LRBA: variants seen among roughly 807,000 people sequenced by gnomAD.
LRBA encodes lipopolysaccharide-responsive and beige-like anchor protein.
LRBA carries 176 observed loss-of-function variants against 330.0 expected under a neutral mutation model. That is an observed-to-expected ratio of 0.53 (90% confidence interval 0.47 to 0.60). The LOEUF is 0.60. Among genes scored for constraint, LRBA ranks in the 20% least tolerant of loss-of-function variants. LRBA has a pLI of 0.00. For synonymous variants in LRBA, 1,230 were observed against 1,193.0 expected (o/e 1.03, Z -0.64); for missense variants, 3,259 against 3,444.8 (o/e 0.95, Z 1.35).
chr4:150,777,854 G>A (rs1473219374), intron 34 of LRBA, among the ~76,000 whole-genome samples: 2 of 151,504 alleles, frequency 1.3e-5, no homozygotes, highest in Non-Finnish European at 2.9e-5. Context: ...CATGCCTGTA[G>A]TCCCAGCTAC....
At chr4:150,361,877 T>G (rs376219374) in intron 47 of LRBA, among the ~76,000 whole-genome samples, 10 of 151,676 alleles carry the variant, frequency 6.6e-5, no homozygotes, top group African/African-American at 2.4e-4. Flanking sequence ...TTCATGCCCA[T>G]TCTCCTGCCT....
At chr4:150,510,025 A>T (rs1315376331) in intron 40 of LRBA, among the ~76,000 whole-genome samples, 1 of 152,172 alleles carries the variant, frequency 6.6e-6, no homozygotes, top group African/African-American at 2.4e-5. Flanking sequence ...AATCCCAGGG[A>T]CTTGGGAGGC....
At chr4:150,675,713 G>A (rs772903122) in intron 37 of LRBA, among the ~76,000 whole-genome samples, 7 of 151,606 alleles carry the variant, frequency 4.6e-5, no homozygotes, top group Non-Finnish European at 7.4e-5. Context: ...GCGAGGCTCC[G>A]TCTCAAAAAA....
At chr4:150,445,344 C>CCT (rs1317931739) in intron 44 of LRBA, among the ~76,000 whole-genome samples, 1,664 of 58,266 alleles carry the variant, frequency 0.029, 23 homozygotes, top group South Asian at 0.042. Context: ...TTTCGGAAAA[C>CCT]CTCTCTCTCT....
chr4:150,542,826 T>C (rs1765453616), intron 40 of LRBA, among the ~76,000 whole-genome samples: 1 of 152,158 alleles, frequency 6.6e-6, no homozygotes, highest in African/African-American at 2.4e-5. Context: ...TTCCATATAA[T>C]TATGAATCTG....
In LRBA at chr4:150,685,901, G is replaced by GA. The variant is rs144832124; in HGVS notation, c.5755-2185dup. Among the ~76,000 whole-genome samples the GA allele has an allele frequency of 6.3e-3, 955 of 152,244 alleles. 7 individuals carry two copies. Among genetic ancestry groups the GA allele is most frequent in the Non-Finnish European group, 8.5e-3 (578 of 68,026 alleles). On this transcript the variant is annotated intron_variant, in intron 36 of 56. Transcript: ENST00000651943. ...TCAATTTCAGGGAGGGACAAAGCAA[G>GA]AGAGTTTGACCCAAGTACAAAATAC... is the stretch of plus-strand genomic sequence containing the variant.
At chr4:150,627,764 G>A (rs1470198800) in intron 37 of LRBA, among the ~76,000 whole-genome samples, 3 of 151,942 alleles carry the variant, frequency 2.0e-5, no homozygotes, top group African/African-American at 7.2e-5. Flanking sequence ...CTTAATAGAT[G>A]TAAAAATATA....
intron 44 of LRBA, among the ~76,000 whole-genome samples, chr4:150,443,621 C>T (rs1398988889): frequency 2.6e-5 from 4 of 151,922 alleles, no homozygotes; most frequent in Non-Finnish European, 4.4e-5. Flanking sequence ...ACCGCATGTT[C>T]TCACTCATAG....
intron 34 of LRBA, among the ~76,000 whole-genome samples, chr4:150,785,145 G>C (rs1204912612): frequency 6.6e-6 from 1 of 152,166 alleles, no homozygotes; most frequent in Non-Finnish European, 1.5e-5. Flanking sequence ...CAGTTAGTCA[G>C]GAGTGCTGAT....
chr4:150,408,176 T>C (rs998245909), intron 47 of LRBA, among the ~76,000 whole-genome samples: 3 of 151,592 alleles, frequency 2.0e-5, no homozygotes, highest in Non-Finnish European at 1.5e-5. Context: ...GAAAAAAAGA[T>C]AACACCAATT....
intron 47 of LRBA, among the ~76,000 whole-genome samples, chr4:150,410,478 T>G (rs1746822363): frequency 1.3e-5 from 2 of 152,186 alleles, no homozygotes; most frequent in African/African-American, 2.4e-5. Context: ...GTGAGTACTA[T>G]TTGTGTCACC....
At chr4:150,444,262 C>T (rs1409195345) in intron 44 of LRBA, among the ~76,000 whole-genome samples, 2 of 151,744 alleles carry the variant, frequency 1.3e-5, no homozygotes, top group Non-Finnish European at 2.9e-5. Context: ...TTCCATGAAC[C>T]CAAATGAGAG....
At chr4:150,863,242 G>A (rs923306692) in intron 22 of LRBA, among the ~76,000 whole-genome samples, 16 of 152,124 alleles carry the variant, frequency 1.1e-4, no homozygotes, top group Admixed American at 8.5e-4. Context: ...AAGTTGCAGT[G>A]AGCTATGAGC....
intron 30 of LRBA, among the ~76,000 whole-genome samples, chr4:150,821,948 C>T (rs1745502079): frequency 6.6e-6 from 1 of 152,124 alleles, no homozygotes; most frequent in Non-Finnish European, 1.5e-5. Context: ...GTTGATAATA[C>T]TTAAGATATG....
intron 42 of LRBA, among the ~76,000 whole-genome samples, chr4:150,483,636 C>T (rs1410992766): frequency 4.6e-5 from 7 of 151,854 alleles, no homozygotes; most frequent in Non-Finnish European, 8.8e-5. Flanking sequence ...GCCTGGCCAT[C>T]TTGCCAATTT....
At chr4:150,316,229 T>C (rs1731705230) in intron 50 of LRBA, among the ~76,000 whole-genome samples, 1 of 152,176 alleles carries the variant, frequency 6.6e-6, no homozygotes, top group Admixed American at 6.6e-5. Context: ...AGAAGTTTTA[T>C]TAATATTTAA....
chr4:150,732,911 A>G (rs1271159361), intron 36 of LRBA, among the ~76,000 whole-genome samples: 1 of 152,062 alleles, frequency 6.6e-6, no homozygotes, highest in African/African-American at 2.4e-5. Flanking sequence ...ATTTTAATAT[A>G]TGCTGTCTTT....
intron 46 of LRBA, among the ~76,000 whole-genome samples, chr4:150,418,128 C>T (rs1254013703): frequency 2.0e-5 from 3 of 151,336 alleles, no homozygotes; most frequent in Non-Finnish European, 2.9e-5. Flanking sequence ...ATCGATCTTT[C>T]CACCTTAGCC....
chr4:150,862,358 G>A (rs1488825560), intron 22 of LRBA, among the ~76,000 whole-genome samples: 4 of 152,284 alleles, frequency 2.6e-5, no homozygotes, highest in Non-Finnish European at 2.9e-5. Context: ...CATAAAAAAG[G>A]ATGAGTTCAT....
Sources: gnomAD v4.1 joint callset for allele counts (sites outside exome capture counted in the v4.1 genomes callset) on GRCh38, gnomAD v4.1.1 for gene constraint, MANE v1.5 for transcripts, NCBI Gene and HGNC (gene_info 2026-07-23, HGNC 2026-07-21) for gene names.